DSCAML1: variants seen among roughly 807,000 people sequenced by gnomAD.
The protein encoded by DSCAML1 is DS cell adhesion molecule like 1.
In DSCAML1, 38 loss-of-function variants were observed where a neutral mutation model predicts 200.5. The ratio of observed to expected loss-of-function variants is 0.19; its 90% CI spans 0.15 to 0.25. The LOEUF (loss-of-function observed/expected upper bound fraction) is 0.25. DSCAML1 is among the 10% of genes least tolerant of loss of function. DSCAML1 has a pLI of 1.00. For synonymous variants in DSCAML1, 1,215 were observed against 1,165.0 expected (o/e 1.04, Z -0.87); for missense variants, 2,223 against 2,858.8 (o/e 0.78, Z 5.07).
intron 1 of DSCAML1, among the ~76,000 whole-genome samples, chr11:117,796,541 A>G (rs1198643808): frequency 4.6e-5 from 7 of 152,232 alleles, no homozygotes; most frequent in Admixed American, 1.3e-4. Flanking sequence ...GTGCGCCAAC[A>G]TTCGCGCCAG....
chr11:117,668,528 G>C (rs1437398399), intron 3 of DSCAML1: 1 of 152,254 alleles, frequency 6.6e-6, no homozygotes, highest in Non-Finnish European at 1.5e-5. Flanking sequence ...GCGGGTACCT[G>C]GGAGGCTGGC....
In DSCAML1 at chr11:117,687,426, A is replaced by ATTTTAAATTTTTTTTTTTTTT. The variant is rs552784985; in HGVS notation, c.511+89364_511+89365insAAAAAAAAAAAAAATTTAAAA. ...CAGGTGTGCTCCACCATGCCTGGCT[A>ATTTTAAATTTTTTTTTTTTTT]TTTTTTTTTTTTTTTTTTTTTTAGA... is the stretch of plus-strand genomic sequence containing the variant. On this transcript the variant is annotated intron_variant, in intron 3 of 32. Coordinates refer to ENST00000651296, the MANE Select transcript of DSCAML1 (RefSeq NM_020693.4). 1.9e-4 allele frequency among the ~76,000 whole-genome samples: 19 copies of ATTTTAAATTTTTTTTTTTTTT among 97,648 alleles called. 1 individual carries two copies. The highest frequency in any genetic ancestry group is 7.0e-4 in the African/African-American group (17 of 24,308). 64.1% of individuals were successfully genotyped at this position (97,648 alleles called of 152,430 possible).
intron 3 of DSCAML1, among the ~76,000 whole-genome samples, chr11:117,729,680 C>A (rs964622539): frequency 2.6e-5 from 4 of 152,188 alleles, no homozygotes; most frequent in African/African-American, 9.7e-5. Flanking sequence ...ACATTAGCTA[C>A]AGGAAAATAC....
At chr11:117,669,806 G>A (rs1418906676) in intron 3 of DSCAML1, among the ~76,000 whole-genome samples, 5 of 152,250 alleles carry the variant, frequency 3.3e-5, no homozygotes, top group Non-Finnish European at 7.3e-5. Context: ...CCTGGGGCAG[G>A]GGCGGATGGA....
intron 15 of DSCAML1, among the ~76,000 whole-genome samples, chr11:117,470,467 C>T (rs947869759): frequency 2.6e-5 from 4 of 152,140 alleles, no homozygotes; most frequent in Admixed American, 1.3e-4. Flanking sequence ...CCCAGCTGCT[C>T]GGGAGGCTGA....
intron 3 of DSCAML1, among the ~76,000 whole-genome samples, chr11:117,675,734 G>A (rs563367351): frequency 2.6e-5 from 4 of 151,926 alleles, no homozygotes; most frequent in East Asian, 1.9e-4. Flanking sequence ...GGAGCACCTC[G>A]GGCATCGTTT....
Position 117,605,177 on chromosome 11 carries a change from C to T in DSCAML1, c.512-72655G>A, listed in dbSNP as rs952765433. Among the ~76,000 whole-genome samples, 11 of 152,058 alleles carry T rather than the reference C, an allele frequency of 7.2e-5. No individual in the cohort carries two copies. In the South Asian group the frequency reaches 1.0e-3, roughly 14 times the overall value. The stretch of plus-strand genomic sequence containing the variant: ...TGGAGTAGCTGAGACTACAGGTGCA[C>T]GCCACCATGCCCGGCTGCTCCCGGG... On this transcript the variant is annotated intron_variant, in intron 3 of 32. Transcript: ENST00000651296.
At chr11:117,668,815 A>G (rs2053036887) in intron 3 of DSCAML1, 2 of 152,232 alleles carry the variant, frequency 1.3e-5, no homozygotes, top group Non-Finnish European at 2.9e-5. Flanking sequence ...CAACTTGCCT[A>G]AAACTCTGAT....
upstream of DSCAML1, among the ~76,000 whole-genome samples, chr11:117,798,998 G>A (rs372476348): frequency 1.3e-5 from 2 of 152,120 alleles, no homozygotes; most frequent in East Asian, 3.9e-4. Flanking sequence ...CAGACTGCAG[G>A]GGGTGTTTGA....
At chr11:117,608,631 T>G (rs2051623174) in intron 3 of DSCAML1, among the ~76,000 whole-genome samples, 1 of 152,254 alleles carries the variant, frequency 6.6e-6, no homozygotes, top group African/African-American at 2.4e-5. Context: ...GAAATGTATT[T>G]AAATAATTCC....
intron 3 of DSCAML1, chr11:117,709,596 G>T: frequency 2.4e-6 from 1 of 423,868 alleles, no homozygotes. Context: ...TTTTTAAATG[G>T]CTATTTATTT....
chr11:117,455,959 C>T (rs1235478764), intron 19 of DSCAML1, among the ~76,000 whole-genome samples: 1 of 152,240 alleles, frequency 6.6e-6, no homozygotes, highest in African/African-American at 2.4e-5. Context: ...TCAGAGACAG[C>T]TGTCTCTACT....
intron 3 of DSCAML1, among the ~76,000 whole-genome samples, chr11:117,599,122 A>C (rs1428008373): frequency 1.3e-5 from 2 of 151,770 alleles, no homozygotes; most frequent in Non-Finnish European, 2.9e-5. Flanking sequence ...ATTTCAGGGC[A>C]GTAGCCGCAA....
At chr11:117,568,958 G>A (rs1241357628) in intron 3 of DSCAML1, among the ~76,000 whole-genome samples, 1 of 152,142 alleles carries the variant, frequency 6.6e-6, no homozygotes, top group Non-Finnish European at 1.5e-5. Context: ...CACACTACCT[G>A]ACTTCAAACT....
chr11:117,432,103 TACCCAATACTCTCAAAATTTCTA>T (rs2047812756), intron 30 of DSCAML1, among the ~76,000 whole-genome samples: 1 of 152,152 alleles, frequency 6.6e-6, no homozygotes, highest in Non-Finnish European at 1.5e-5. Flanking sequence ...AGAACACGAA[TACCCAATACTCTCAAAATTTCTA>T]GGTAAGGAAA....
chr11:117,593,196 C>T (rs146960193), intron 3 of DSCAML1, among the ~76,000 whole-genome samples: 265 of 152,272 alleles, frequency 1.7e-3, no homozygotes, highest in African/African-American at 5.7e-3. Flanking sequence ...CCACACACAG[C>T]GATGCTTCAG....
chr11:117,630,567 G>A (rs575556217), intron 3 of DSCAML1, among the ~76,000 whole-genome samples: 1 of 140,154 alleles, frequency 7.1e-6, no homozygotes, highest in African/African-American at 2.6e-5. Context: ...GAGCTCTGTG[G>A]CCCCACAGCC....
At position 117,435,673 on chromosome 11, in the gene DSCAML1, C is replaced by T. The variant is rs1252948695; in HGVS notation, c.4847G>A (p.Arg1616Lys). Reference sequence around the variant, plus strand: ...GAGTCGCTTCAGCCGTTTCTCCTTCCTCTTCTTGCGTACGATGAAGAGCAG... The same window carrying T: ...GAGTCGCTTCAGCCGTTTCTCCTTCTTCTTCTTGCGTACGATGAAGAGCAG... The part of the protein sequence containing the change: ...VALLFIVRKK[R>K]KEKRLKRLRD... Residue 1616 changes from arginine (R) to lysine (K), a missense_variant, in exon 27 of 33, where the codon AGG becomes AAG. Transcript: ENST00000651296. 1.2e-6 allele frequency: 2 copies of T among 1,606,522 alleles called. No individual in the cohort carries two copies. Among genetic ancestry groups the T allele is most frequent in the East Asian group, 2.2e-5 (1 of 44,666 alleles).
Position 117,570,029 on chromosome 11 carries a change from T to C in DSCAML1, c.512-37507A>G, listed in dbSNP as rs532420194. ...AATACAACCTTGAAGGATGAGGACA[T>C]GTTTGCCAGGCAAAGAAGGCACGGG... On this transcript the variant is annotated intron_variant, in intron 3 of 32. Transcript: ENST00000651296. Among the ~76,000 whole-genome samples, 3 of 152,122 alleles carry C rather than the reference T, an allele frequency of 2.0e-5. No individual in the cohort carries two copies. The South Asian group carries it at 6.2e-4, about 32-fold the overall frequency.
Sources: allele counts gnomAD v4.1 joint callset (sites outside exome capture counted in the v4.1 genomes callset), GRCh38; gene constraint gnomAD v4.1.1; transcripts MANE v1.5; gene names NCBI Gene and HGNC (gene_info 2026-07-23, HGNC 2026-07-21).